WWOX: variants seen among roughly 807,000 people sequenced by gnomAD.
The protein encoded by WWOX is WW domain-containing oxidoreductase.
WWOX carries 69 observed loss-of-function variants against 46.2 expected under a neutral mutation model. The ratio of observed to expected loss-of-function variants is 1.49; its 90% CI spans 1.23 to 1.82. WWOX has a LOEUF of 1.82. Among genes scored for constraint, WWOX ranks in the 40% most tolerant of loss-of-function variants. The probability of loss-of-function intolerance (pLI) is 0.00; values close to 1 mark genes in which losing one functional copy is unlikely to be tolerated. For missense variants in WWOX, 919 were observed against 542.6 expected (o/e 1.69, Z -6.89); for synonymous variants, 359 against 202.6 (o/e 1.77, Z -6.56).
At chr16:78,120,768 A>G (rs2033054475) in intron 4 of WWOX, among the ~76,000 whole-genome samples, 2 of 152,168 alleles carry the variant, frequency 1.3e-5, no homozygotes, top group African/African-American at 2.4e-5. Flanking sequence ...ACCACGATGA[A>G]TTCATATCTT....
rs1013336519 is a variant in WWOX, at chr16:79,211,826, C to T, written c.*30C>T. On this transcript the variant is annotated 3_prime_UTR_variant, in exon 9 of 9. Coordinates refer to ENST00000566780, the MANE Select transcript of WWOX (RefSeq NM_016373.4). Reference sequence around the variant, plus strand: ...AGCTCAGAGCGGATGGGCACACACACCCGCCCTGTGTGTGTCCCCTCACGC... The same window carrying T: ...AGCTCAGAGCGGATGGGCACACACATCCGCCCTGTGTGTGTCCCCTCACGC... The T allele has an allele frequency of 1.2e-6, 2 of 1,613,358 alleles. No homozygotes were observed. Among genetic ancestry groups the T allele is most frequent in the South Asian group, 1.1e-5 (1 of 91,006 alleles).
At chr16:78,937,059 T>C (rs1026425632) in intron 8 of WWOX, among the ~76,000 whole-genome samples, 5 of 152,208 alleles carry the variant, frequency 3.3e-5, no homozygotes, top group African/African-American at 4.8e-5. Flanking sequence ...AGTGGAAATA[T>C]AGGTTTAAAC....
chr16:78,503,922 A>G (rs945628130), intron 8 of WWOX: 6 of 152,258 alleles, frequency 3.9e-5, no homozygotes, highest in African/African-American at 9.6e-5. Flanking sequence ...TAAGTGTACA[A>G]TAAATAGTAA....
chr16:78,947,010 T>G (rs1241705115), intron 8 of WWOX, among the ~76,000 whole-genome samples: 1 of 151,650 alleles, frequency 6.6e-6, no homozygotes, highest in East Asian at 1.9e-4. Flanking sequence ...TTGTTCCCCC[T>G]CAGTCTTGTC....
intron 6 of WWOX, among the ~76,000 whole-genome samples, chr16:78,416,219 C>T (rs1338056602): frequency 4.6e-5 from 7 of 152,312 alleles, no homozygotes; most frequent in African/African-American, 1.2e-4. Flanking sequence ...TTTTCATAGT[C>T]TGTAAATATT....
intron 8 of WWOX, among the ~76,000 whole-genome samples, chr16:78,505,119 C>G (rs1040447199): frequency 6.6e-5 from 10 of 152,132 alleles, no homozygotes; most frequent in Admixed American, 5.2e-4. Flanking sequence ...GCGTTCACAC[C>G]AGGCAGCCCC....
intron 8 of WWOX, among the ~76,000 whole-genome samples, chr16:78,865,034 A>G (rs892444889): frequency 1.2e-4 from 19 of 152,034 alleles, no homozygotes; most frequent in African/African-American, 4.6e-4. Flanking sequence ...AAGTGCTGTG[A>G]TTACAGGCGT....
chr16:78,599,533 T>G (rs988446334), intron 8 of WWOX, among the ~76,000 whole-genome samples: 2 of 152,182 alleles, frequency 1.3e-5, no homozygotes, highest in African/African-American at 4.8e-5. Flanking sequence ...TGTGTAGACA[T>G]GGCCTCAGGA....
In WWOX at chr16:78,324,616, C is replaced by G. The variant is rs548824737; in HGVS notation, c.517-62244C>G. On this transcript the variant is annotated intron_variant, in intron 5 of 8. Transcript: ENST00000566780. ...TCCATTTTATATTCATAAAAATGGA[C>G]AAAGTCCTGAGGCATTCTATAATGT... Among the ~76,000 whole-genome samples, 43 of 152,178 alleles carry G rather than the reference C, an allele frequency of 2.8e-4. 1 individual carries two copies. The highest frequency in any genetic ancestry group is 9.6e-4 in the African/African-American group (40 of 41,540).
At chr16:79,066,210 C>G (rs59591935) in intron 8 of WWOX, among the ~76,000 whole-genome samples, 23,138 of 152,114 alleles carry the variant, frequency 0.15, 2,203 homozygotes, top group African/African-American at 0.27. Context: ...CCACGTGGGA[C>G]GTTCCTTCCA....
intron 8 of WWOX, among the ~76,000 whole-genome samples, chr16:78,583,231 A>G (rs1023878368): frequency 6.6e-6 from 1 of 152,160 alleles, no homozygotes; most frequent in African/African-American, 2.4e-5. Flanking sequence ...GGTTCAACCA[A>G]AGAACCAGGG....
Position 78,614,330 on chromosome 16 carries a change from G to A in WWOX, c.1056+181578G>A, listed in dbSNP as rs185358543. Among the ~76,000 whole-genome samples, 409 of 152,334 alleles carry A rather than the reference G, an allele frequency of 2.7e-3. 2 individuals are homozygous for A. Among genetic ancestry groups the A allele is most frequent in the African/African-American group, 9.3e-3 (386 of 41,576 alleles). On this transcript the variant is annotated intron_variant, in intron 8 of 8. Transcript: ENST00000566780. ...TCAAGTAGAATAACATGGTTTATTT[G>A]TGTGTGTATTGTTCTGTTTTTGGTA...
chr16:78,649,684 C>G (rs2046922843), intron 8 of WWOX, among the ~76,000 whole-genome samples: 1 of 152,196 alleles, frequency 6.6e-6, no homozygotes, highest in Admixed American at 6.5e-5. Context: ...CTTTTGACCT[C>G]TGCTAAAATT....
chr16:78,866,886 G>A (rs560330680), intron 8 of WWOX, among the ~76,000 whole-genome samples: 1 of 152,318 alleles, frequency 6.6e-6, no homozygotes, highest in African/African-American at 2.4e-5. Flanking sequence ...CAAGCCTGCA[G>A]CATCAGGGCT....
Position 78,462,904 on chromosome 16 carries a change from C to T in WWOX, c.1056+30152C>T, listed in dbSNP as rs541910547. On this transcript the variant is annotated intron_variant, in intron 8 of 8. Coordinates refer to ENST00000566780, the MANE Select transcript of WWOX (RefSeq NM_016373.4). ...CTGTCCTTACTGTTTCCCTTGGGCA[C>T]GCTGTTCACCCCTTAGGACATACTA... Among the ~76,000 whole-genome samples the T allele has an allele frequency of 4.1e-4, 62 of 152,282 alleles. No homozygotes were observed. The South Asian group carries it at 0.01, about 25-fold the overall frequency.
chr16:78,557,142 C>T (rs969183729), intron 8 of WWOX, among the ~76,000 whole-genome samples: 1 of 152,128 alleles, frequency 6.6e-6, no homozygotes, highest in Non-Finnish European at 1.5e-5. Context: ...TTTGGACTTC[C>T]TTTTTGTAGT....
At chr16:78,705,987 G>T (rs866106127) in intron 8 of WWOX, among the ~76,000 whole-genome samples, 4 of 150,052 alleles carry the variant, frequency 2.7e-5, no homozygotes, top group Non-Finnish European at 4.4e-5. Flanking sequence ...CAGTGACTCA[G>T]ATAGGTGTGT....
rs574047566 is a variant in WWOX at position 78,383,189 on chromosome 16, A to G, written c.517-3671A>G. Among the ~76,000 whole-genome samples, 101 of 152,082 alleles carry G rather than the reference A, an allele frequency of 6.6e-4. 1 individual carries two copies. The South Asian group carries it at 0.02, about 30-fold the overall frequency. ...TTACAATTTAATATGAGATTTGGGT[A>G]GGGACACAGAGCCAAACCACATCAG... On this transcript the variant is annotated intron_variant, in intron 5 of 8. Coordinates refer to ENST00000566780, the MANE Select transcript of WWOX (RefSeq NM_016373.4).
chr16:79,148,819 T>C (rs7188059), intron 8 of WWOX, among the ~76,000 whole-genome samples: 48,317 of 144,076 alleles, frequency 0.34, 7,861 homozygotes, highest in East Asian at 0.48. Flanking sequence ...TTCCAACTTC[T>C]ACATATATCT....
Sources: allele counts gnomAD v4.1 joint callset (sites outside exome capture counted in the v4.1 genomes callset), GRCh38; gene constraint gnomAD v4.1.1; transcripts MANE v1.5; gene names NCBI Gene and HGNC (gene_info 2026-07-23, HGNC 2026-07-21).